WWOX: variants seen among roughly 807,000 people sequenced by gnomAD.
The protein encoded by WWOX is WW domain-containing oxidoreductase.
WWOX carries 69 observed loss-of-function variants against 46.2 expected under a neutral mutation model. The observed-to-expected ratio is 1.49, with a 90% CI of 1.23 to 1.82. The LOEUF is 1.82. WWOX is among the 40% of genes most tolerant of loss of function. The probability of loss-of-function intolerance (pLI) is 0.00; values close to 1 mark genes in which losing one functional copy is unlikely to be tolerated. For missense variants in WWOX, 919 were observed against 542.6 expected (o/e 1.69, Z -6.89); for synonymous variants, 359 against 202.6 (o/e 1.77, Z -6.56).
At chr16:78,676,708 G>C (rs1300434351) in intron 8 of WWOX, among the ~76,000 whole-genome samples, 1 of 152,144 alleles carries the variant, frequency 6.6e-6, no homozygotes, top group Non-Finnish European at 1.5e-5. Flanking sequence ...GAATAAATCA[G>C]TTTAAAGCAA....
intron 5 of WWOX, among the ~76,000 whole-genome samples, chr16:78,354,736 T>G (rs1409892618): frequency 6.6e-6 from 1 of 152,200 alleles, no homozygotes; most frequent in African/African-American, 2.4e-5. Context: ...GTTCTCTCAT[T>G]CTGTTAAATT....
intron 8 of WWOX, among the ~76,000 whole-genome samples, chr16:78,820,359 G>A (rs1327742909): frequency 1.3e-5 from 2 of 152,124 alleles, no homozygotes; most frequent in Non-Finnish European, 2.9e-5. Context: ...CCCTGAATAC[G>A]CCAGAAATAA....
intron 8 of WWOX, among the ~76,000 whole-genome samples, chr16:78,609,400 G>A (rs552992724): frequency 1.7e-4 from 26 of 151,964 alleles, no homozygotes; most frequent in African/African-American, 6.3e-4. Flanking sequence ...TTCCCCACCA[G>A]GAGAGTGGAA....
At chr16:78,651,581 T>G (rs1265610637) in intron 8 of WWOX, among the ~76,000 whole-genome samples, 1 of 152,220 alleles carries the variant, frequency 6.6e-6, no homozygotes, top group East Asian at 1.9e-4. Context: ...TGTTCCATGC[T>G]TAGCCGTTCC....
intron 5 of WWOX, among the ~76,000 whole-genome samples, chr16:78,315,268 C>T (rs111584987): frequency 2.0e-5 from 3 of 152,154 alleles, no homozygotes; most frequent in Non-Finnish European, 4.4e-5. Context: ...GAAATGTAGA[C>T]ATGAGAAGTG....
chr16:78,408,694 C>G (rs540148791), intron 6 of WWOX, among the ~76,000 whole-genome samples: 1 of 152,124 alleles, frequency 6.6e-6, no homozygotes, highest in Non-Finnish European at 1.5e-5. Flanking sequence ...GGTAAGCATG[C>G]AAGAAGTTTT....
chr16:78,329,473 C>G (rs751274820), intron 5 of WWOX, among the ~76,000 whole-genome samples: 1 of 152,168 alleles, frequency 6.6e-6, no homozygotes, highest in African/African-American at 2.4e-5. Context: ...AAAAATAGTT[C>G]TTGAGGCTTC....
At chr16:79,001,137 A>T (rs914963448) in intron 8 of WWOX, among the ~76,000 whole-genome samples, 1 of 152,252 alleles carries the variant, frequency 6.6e-6, no homozygotes, top group Non-Finnish European at 1.5e-5. Context: ...TCCAGGTGCC[A>T]GTCAGGGAGC....
At chr16:78,574,222 G>A (rs187950788) in intron 8 of WWOX, among the ~76,000 whole-genome samples, 1 of 152,170 alleles carries the variant, frequency 6.6e-6, no homozygotes, top group Non-Finnish European at 1.5e-5. Flanking sequence ...TGGTCAACAA[G>A]ATGGTGTCTT....
At chr16:78,685,939 G>C (rs1199176505) in intron 8 of WWOX, among the ~76,000 whole-genome samples, 1 of 152,016 alleles carries the variant, frequency 6.6e-6, no homozygotes, top group Non-Finnish European at 1.5e-5. Flanking sequence ...GGTAGGGAGG[G>C]AGGAGAGACA....
intron 8 of WWOX, among the ~76,000 whole-genome samples, chr16:78,716,782 A>G (rs1567511693): frequency 6.6e-6 from 1 of 152,140 alleles, no homozygotes; most frequent in African/African-American, 2.4e-5. Flanking sequence ...ATAGTCCTGG[A>G]GAAACGTGGC....
At chr16:78,745,026 C>G (rs188792943) in intron 8 of WWOX, among the ~76,000 whole-genome samples, 12 of 152,224 alleles carry the variant, frequency 7.9e-5, no homozygotes, top group Admixed American at 7.8e-4. Context: ...ACCATTTATT[C>G]AGTGTTGGCC....
intron 1 of WWOX, among the ~76,000 whole-genome samples, chr16:78,102,897 G>A (rs1455455309): frequency 6.6e-6 from 1 of 152,186 alleles, no homozygotes; most frequent in Non-Finnish European, 1.5e-5. Flanking sequence ...GGTGGGTGGT[G>A]CACTGGGCCC....
intron 4 of WWOX, among the ~76,000 whole-genome samples, chr16:78,141,272 G>A (rs185570256): frequency 3.3e-5 from 5 of 152,246 alleles, no homozygotes; most frequent in African/African-American, 1.2e-4. Flanking sequence ...TGCGGAGATG[G>A]TATGATTGTA....
intron 8 of WWOX, among the ~76,000 whole-genome samples, chr16:78,777,734 G>C (rs1236738622): frequency 6.6e-6 from 1 of 152,128 alleles, no homozygotes; most frequent in Non-Finnish European, 1.5e-5. Context: ...CAGATACTAG[G>C]ATAGGCACTT....
chr16:78,297,744 C>A (rs565776528), intron 5 of WWOX, among the ~76,000 whole-genome samples: 1 of 152,116 alleles, frequency 6.6e-6, no homozygotes, highest in Non-Finnish European at 1.5e-5. Flanking sequence ...TGGTGGAATA[C>A]AAAAGTCATG....
chr16:78,478,805 T>C (rs74514928), intron 8 of WWOX, among the ~76,000 whole-genome samples: 1,693 of 152,282 alleles, frequency 0.011, 28 homozygotes, highest in African/African-American at 0.039. Context: ...TGAGGGTTTT[T>C]TAAATTTATT....
At chr16:78,761,625 A>C (rs1454159315) in intron 8 of WWOX, among the ~76,000 whole-genome samples, 1 of 151,876 alleles carries the variant, frequency 6.6e-6, no homozygotes, top group Non-Finnish European at 1.5e-5. Flanking sequence ...GGCGTCTGAC[A>C]TGTTTGGGTT....
intron 8 of WWOX, among the ~76,000 whole-genome samples, chr16:78,867,659 G>C (rs1213696451): frequency 1.3e-5 from 2 of 152,052 alleles, no homozygotes; most frequent in South Asian, 2.1e-4. Context: ...TCCCACCTCA[G>C]CCTCACGAGT....
Sources: gnomAD v4.1 joint callset for allele counts (sites outside exome capture counted in the v4.1 genomes callset) on GRCh38, gnomAD v4.1.1 for gene constraint, MANE v1.5 for transcripts, NCBI Gene and HGNC (gene_info 2026-07-23, HGNC 2026-07-21) for gene names.